Variants in LMAN1L observed in about 807,000 individuals in gnomAD.
LMAN1L encodes lectin, mannose binding 1 like.
A neutral mutation model predicts 58.3 loss-of-function variants in LMAN1L; 60 were observed. That is an observed-to-expected ratio of 1.03 (90% confidence interval 0.84 to 1.27). The LOEUF (loss-of-function observed/expected upper bound fraction) is 1.27. LMAN1L is among the 50% of genes most tolerant of loss of function. LMAN1L has a pLI of 0.00. For missense variants in LMAN1L, 629 were observed against 674.0 expected (o/e 0.93, Z 0.74); for synonymous variants, 280 against 271.6 (o/e 1.03, Z -0.31).
At chr15:74,820,248 G>A in intron 7 of LMAN1L, 149 bp downstream of exon 7, 1 of 744,750 alleles carries the variant, frequency 1.3e-6, no homozygotes, top group Non-Finnish European at 2.3e-6. Context: ...GGGCAGTGCT[G>A]CGGGCCAGGG....
At chr15:74,825,413 T>C (rs927651003) in intron 13 of LMAN1L, 63 bp from the exon 14 acceptor site, 12 of 1,554,298 alleles carry the variant, frequency 7.7e-6, no homozygotes, top group Non-Finnish European at 1.1e-5. Flanking sequence ...ATGAGAGTCC[T>C]GGTTTTTCAA....
chr15:74,820,922 C>G (rs1225285522), intron 8 of LMAN1L, among the ~76,000 whole-genome samples, 153 bp from the exon 9 acceptor site: 1 of 152,174 alleles, frequency 6.6e-6, no homozygotes, highest in Non-Finnish European at 1.5e-5. Context: ...GCTATCCCCA[C>G]CTTACCACTC....
intron 9 of LMAN1L, among the ~76,000 whole-genome samples, 197 bp downstream of exon 9, chr15:74,821,423 A>AGGCTGG (rs946691144): frequency 6.6e-6 from 1 of 152,134 alleles, no homozygotes; most frequent in Non-Finnish European, 1.5e-5. Context: ...GCTGGGGCTG[A>AGGCTGG]GGCTGGGGCT....
At chr15:74,816,767 GC>G in intron 4 of LMAN1L, 77 bp downstream of exon 4, 2 of 1,399,844 alleles carry the variant, frequency 1.4e-6, no homozygotes, top group Admixed American at 2.1e-5. Flanking sequence ...CCGAGCCCCT[GC>G]CCCAGCCTCC....
At chr15:74,819,997 T>G in intron 6 of LMAN1L, 47 bp from the exon 7 acceptor site, 2 of 1,557,822 alleles carry the variant, frequency 1.3e-6, no homozygotes, top group Non-Finnish European at 1.8e-6. Context: ...AGCGAGGGGG[T>G]TGCTGGGTGG....
Position 74,821,226 on chromosome 15 carries a change from G to C in LMAN1L, c.1059G>C (p.Trp353Cys). The C allele has an allele frequency of 6.5e-7, 1 of 1,548,982 alleles. No individual in the cohort carries two copies. Among genetic ancestry groups the C allele is most frequent in the Non-Finnish European group, 8.7e-7 (1 of 1,146,894 alleles). Residue 353 changes from tryptophan to cysteine, a missense_variant and splice_region_variant, in exon 9 of 14, where the codon TGG becomes TGC. Transcript: ENST00000309664. Reference sequence around the variant, plus strand: ...GCCAAGCCAGGCCTGACGGAGGCTGGGTGAGAAGCCCTACAGGCATCCAAG... The same window carrying C: ...GCCAAGCCAGGCCTGACGGAGGCTGCGTGAGAAGCCCTACAGGCATCCAAG... ...PPGQARPDGG[W>C]ALDASCQIPS... is the part of the protein sequence containing the mutation.
chr15:74,813,079 T>C lies in LMAN1L; in HGVS notation c.175+50T>C, dbSNP rs1297324090. On this transcript the variant is annotated intron_variant, in intron 1 of 13. Coordinates refer to ENST00000309664, the MANE Select transcript of LMAN1L (RefSeq NM_021819.3). ...CTATGCCCAGGGTCCCTCAAAGTGC[T>C]GGAGGGGCTGTGACTTGGTGGGGAG... 3 of 1,563,680 alleles carry C rather than the reference T, an allele frequency of 1.9e-6. No homozygotes were observed. In the South Asian group the frequency reaches 3.6e-5, roughly 19 times the overall value.
chr15:74,814,297 G>C (rs564872477), intron 1 of LMAN1L, among the ~76,000 whole-genome samples: 61 of 146,802 alleles, frequency 4.2e-4, no homozygotes, highest in African/African-American at 1.4e-3. Context: ...AGATTCAAGT[G>C]ATTCTCCTGC....
chr15:74,814,383 T>TG (rs915482406), intron 1 of LMAN1L, among the ~76,000 whole-genome samples: 3 of 143,230 alleles, frequency 2.1e-5, no homozygotes, highest in Admixed American at 6.8e-5. Context: ...TTTTTGTTTT[T>TG]TTTTTTTTGA....
intron 6 of LMAN1L, 55 bp downstream of exon 6, chr15:74,819,327 C>T (rs746747165): frequency 6.3e-7 from 1 of 1,588,884 alleles, no homozygotes; most frequent in Non-Finnish European, 8.6e-7. Flanking sequence ...ATAAATCACC[C>T]TCAGCACACC....
At chr15:74,821,762 T>A in intron 9 of LMAN1L, 67 bp from the exon 10 acceptor site, 1 of 1,048,590 alleles carries the variant, frequency 9.5e-7, no homozygotes, top group Non-Finnish European at 1.5e-6. Flanking sequence ...TAGGCTGGGC[T>A]GCTAGTGTGG....
chr15:74,818,663 C>A, intron 4 of LMAN1L, 55 bp from the exon 5 acceptor site: 1 of 1,380,376 alleles, frequency 7.2e-7, no homozygotes, highest in Non-Finnish European at 1.0e-6. Context: ...CACTGCACTC[C>A]AGCCTGGGCA....
In LMAN1L at chr15:74,816,107, G is replaced by A. The variant is rs2141113615; in HGVS notation, c.176-50G>A. On this transcript the variant is annotated intron_variant, in intron 1 of 13. Transcript: ENST00000309664. ...CCCGGGCCAAGTGAGAGAGTGAAGGGGGAGATGGGGTGTAGTGGAGCCTGG... is the reference window on the plus strand; with the variant it reads ...CCCGGGCCAAGTGAGAGAGTGAAGGAGGAGATGGGGTGTAGTGGAGCCTGG... 5 of 1,521,150 alleles carry A rather than the reference G, an allele frequency of 3.3e-6. No homozygotes were observed. The East Asian group carries it at 1.2e-4, about 38-fold the overall frequency. The allele number at this position is 1,521,150 out of a possible 1,614,324, so 94.2% of individuals were successfully genotyped here.
At position 74,819,246 on chromosome 15, in the gene LMAN1L, T is replaced by A. The variant is rs1344279841; in HGVS notation, c.692T>A (p.Val231Asp). 6.2e-7 allele frequency: 1 copy of A among 1,613,910 alleles called. No homozygotes were observed. Among genetic ancestry groups the A allele is most frequent in the Non-Finnish European group, 8.5e-7 (1 of 1,179,994 alleles). The change falls in exon 6 of 14, where the codon GTC becomes GAC. Residue 231 changes from valine (V) to aspartate (D), a missense_variant. By Grantham distance (152) the Val-to-Asp change is radical (BLOSUM62 -3). Transcript: ENST00000309664. ...LLLVPGGFFG[V>D]SAATGTLADD... is the part of the protein sequence containing the mutation. Reference sequence around the variant, plus strand: ...TTGGTCCCTGGAGGTTTCTTTGGGGTCTCAGCAGCCACCGGCACCCTGGCA... The same window carrying A: ...TTGGTCCCTGGAGGTTTCTTTGGGGACTCAGCAGCCACCGGCACCCTGGCA...
chr15:74,816,490 G>A lies in LMAN1L; in HGVS notation c.394G>A (p.Asp132Asn). 6.5e-7 allele frequency: 1 copy of A among 1,550,226 alleles called. No individual in the cohort carries two copies. The highest frequency in any genetic ancestry group is 8.7e-7 in the Non-Finnish European group (1 of 1,144,176). ...GSVLGGLASW[D>N]GIGIFFDSPA... ...TGTCCTTGGGGGGCTGGCTTCGTGG[G>A]ACGGCATCGGGATCTTCTTTGACTC... is the stretch of plus-strand genomic sequence containing the variant. Residue 132 changes from aspartate to asparagine, a missense_variant, in exon 3 of 14, where the codon GAC (aspartate) becomes AAC (asparagine). By Grantham distance (23) the Asp-to-Asn change is conservative. Coordinates refer to ENST00000309664, the MANE Select transcript of LMAN1L (RefSeq NM_021819.3).
chr15:74,824,277 A>G (rs1180761916), intron 12 of LMAN1L, 74 bp from the exon 13 acceptor site: 3 of 1,424,122 alleles, frequency 2.1e-6, no homozygotes, highest in Middle Eastern at 1.8e-4. Context: ...GAGCATGCAC[A>G]TGGCCTAGAT....
chr15:74,816,508 T>C lies in LMAN1L; in HGVS notation c.412T>C (p.Phe138Leu). 1 of 1,553,852 alleles carries C rather than the reference T, an allele frequency of 6.4e-7. No individual in the cohort carries two copies. Among genetic ancestry groups the C allele is most frequent in the South Asian group, 1.2e-5 (1 of 81,616 alleles). The change falls in exon 3 of 14, where the codon TTT (phenylalanine) becomes CTT (leucine). Residue 138 changes from phenylalanine to leucine, a missense_variant. Around this residue, in one of 3 missense-constraint regions of LMAN1L, gnomAD observed 573 missense variants for 597.3 expected, o/e 0.96. Coordinates refer to ENST00000309664, the MANE Select transcript of LMAN1L (RefSeq NM_021819.3). The part of the protein sequence containing the change: ...LASWDGIGIF[F>L]DSPAEDTQDS... Reference sequence around the variant, plus strand: ...TTCGTGGGACGGCATCGGGATCTTCTTTGACTCTCCGGCAGAGGATACTCA... The same window carrying C: ...TTCGTGGGACGGCATCGGGATCTTCCTTGACTCTCCGGCAGAGGATACTCA...
At chr15:74,819,340 C>T (rs1310264336) in intron 6 of LMAN1L, 68 bp downstream of exon 6, 1 of 1,565,440 alleles carries the variant, frequency 6.4e-7, no homozygotes, top group African/African-American at 1.4e-5. Flanking sequence ...AGCACACCTT[C>T]TAAAGAGCAC....
At chr15:74,822,273 G>A (rs992250524) in intron 10 of LMAN1L, among the ~76,000 whole-genome samples, 13 of 152,240 alleles carry the variant, frequency 8.5e-5, no homozygotes, top group African/African-American at 3.1e-4. Context: ...GGCTGAGGCA[G>A]AAGAATCGCT....
Sources: gnomAD v4.1 joint callset for allele counts (sites outside exome capture counted in the v4.1 genomes callset) on GRCh38, gnomAD v4.1.1 for gene constraint, gnomAD v4.1.1 regional missense constraint, MANE v1.5 for transcripts, NCBI Gene and HGNC (gene_info 2026-07-23, HGNC 2026-07-21) for gene names.